The following JAKMIP2 variants were observed in gnomAD, a reference collection of about 807,000 sequenced individuals.
JAKMIP2 encodes janus kinase and microtubule-interacting protein 2.
In JAKMIP2, 25 loss-of-function variants were observed where a neutral mutation model predicts 115.0. That is an observed-to-expected ratio of 0.22 (90% CI 0.16 to 0.30). The LOEUF is 0.30. Ranked by LOEUF, JAKMIP2 falls within the 10% of genes least tolerant of loss-of-function variation. The probability of loss-of-function intolerance (pLI) is 1.00; values close to 1 mark genes in which losing one functional copy is unlikely to be tolerated. For missense variants in JAKMIP2, 642 were observed against 957.6 expected (o/e 0.67, Z 4.35); for synonymous variants, 334 against 343.6 (o/e 0.97, Z 0.31).
At chr5:147,688,871 A>G (rs1308235703) in intron 1 of JAKMIP2, among the ~76,000 whole-genome samples, 1 of 152,250 alleles carries the variant, frequency 6.6e-6, no homozygotes, top group Non-Finnish European at 1.5e-5. Context: ...GCAGTGAATA[A>G]ATAAAACAGA....
At chr5:147,620,812 T>C (rs1021772436) in intron 17 of JAKMIP2, 69 bp from the exon 18 acceptor site, 19 of 1,096,214 alleles carry the variant, frequency 1.7e-5, no homozygotes, top group Non-Finnish European at 2.6e-5. Flanking sequence ...ATGGTATTGA[T>C]TAATGTTTCC....
At chr5:147,769,808 G>A (rs538844729) in intron 1 of JAKMIP2, among the ~76,000 whole-genome samples, 4 of 151,054 alleles carry the variant, frequency 2.6e-5, no homozygotes, top group South Asian at 2.1e-4. Context: ...GTTTGTCTCT[G>A]TAAACCAGAT....
intron 1 of JAKMIP2, among the ~76,000 whole-genome samples, chr5:147,737,469 G>A (rs1314445007): frequency 6.6e-6 from 1 of 152,168 alleles, no homozygotes; most frequent in Non-Finnish European, 1.5e-5. Flanking sequence ...GTTACACTGA[G>A]TGGGATCTTC....
At chr5:147,769,140 C>A (rs1386719465) in intron 1 of JAKMIP2, among the ~76,000 whole-genome samples, 3 of 152,090 alleles carry the variant, frequency 2.0e-5, no homozygotes, top group Non-Finnish European at 4.4e-5. Context: ...TGGCACACAG[C>A]AGGTGCTCAT....
At chr5:147,626,264 A>T (rs947501349) in intron 16 of JAKMIP2, among the ~76,000 whole-genome samples, 1 of 152,250 alleles carries the variant, frequency 6.6e-6, no homozygotes, top group Non-Finnish European at 1.5e-5. Flanking sequence ...TGTCTTGTTC[A>T]TCTGGTTCCT....
intron 3 of JAKMIP2, among the ~76,000 whole-genome samples, chr5:147,653,762 G>A (rs77866435): frequency 0.079 from 11,972 of 152,170 alleles, 628 homozygotes; most frequent in Admixed American, 0.14. Flanking sequence ...TACTTTTGGC[G>A]TTTTCATCAT....
At position 147,586,662 on chromosome 5, in the gene JAKMIP2, A is replaced by G. The variant is rs1332015600; in HGVS notation, c.*5045T>C. The stretch of plus-strand genomic sequence containing the variant: ...AACCACGTGTATCTCTGCCACATTA[A>G]TTTGAATATAGGAAATTATAATCCT... On this transcript the variant is annotated 3_prime_UTR_variant, in exon 22 of 22. Transcript: ENST00000616793. 1 of 152,076 alleles carries G rather than the reference A, an allele frequency of 6.6e-6. No homozygotes were observed. Among genetic ancestry groups the G allele is most frequent in the East Asian group, 1.9e-4 (1 of 5,198 alleles). The allele number at this position is 152,076 out of a possible 1,614,324, so 9.4% of individuals were successfully genotyped here.
intron 1 of JAKMIP2, among the ~76,000 whole-genome samples, chr5:147,767,503 A>AC (rs1755197515): frequency 6.6e-6 from 1 of 152,142 alleles, no homozygotes; most frequent in South Asian, 2.1e-4. Context: ...AGGTTGGAGT[A>AC]CTGATAATCA....
intron 20 of JAKMIP2, among the ~76,000 whole-genome samples, chr5:147,608,781 G>A (rs1345681377): frequency 6.6e-6 from 1 of 152,150 alleles, no homozygotes. Flanking sequence ...GGGTGTTAAA[G>A]TTTCCCACTA....
At chr5:147,629,639 T>G (rs1757266134) in intron 15 of JAKMIP2, 54 bp downstream of exon 15, 1 of 1,269,798 alleles carries the variant, frequency 7.9e-7, no homozygotes, top group Non-Finnish European at 1.1e-6. Flanking sequence ...GTTAAGTATC[T>G]CTTGCCTCTG....
intron 1 of JAKMIP2, among the ~76,000 whole-genome samples, chr5:147,745,065 A>G (rs1307713442): frequency 6.6e-6 from 1 of 151,436 alleles, no homozygotes; most frequent in Non-Finnish European, 1.5e-5. Context: ...TCAAAAAAAA[A>G]AAAAAAAAAA....
chr5:147,764,566 C>T (rs1755044737), intron 1 of JAKMIP2, among the ~76,000 whole-genome samples: 1 of 151,866 alleles, frequency 6.6e-6, no homozygotes, highest in Non-Finnish European at 1.5e-5. Context: ...ATTTAAAAAG[C>T]TTTTCAAGTG....
At chr5:147,725,843 G>A (rs909727621) in intron 1 of JAKMIP2, among the ~76,000 whole-genome samples, 1 of 152,102 alleles carries the variant, frequency 6.6e-6, no homozygotes, top group Non-Finnish European at 1.5e-5. Context: ...AATCTGCCTT[G>A]CACTCTTTGC....
chr5:147,663,273 T>G lies in JAKMIP2; in HGVS notation c.130-1828A>C, dbSNP rs552238350. On this transcript the variant is annotated intron_variant, in intron 2 of 21. Transcript: ENST00000616793. ...TTGTGAGGGTGTTGCTAAAGGAGAT[T>G]AACATTTGAGTCAGTGGACTGGGAA... is the stretch of plus-strand genomic sequence containing the variant. 8.5e-5 allele frequency among the ~76,000 whole-genome samples: 13 copies of G among 152,154 alleles called. No individual in the cohort carries two copies. The South Asian group carries it at 2.7e-3, about 32-fold the overall frequency.
intron 1 of JAKMIP2, among the ~76,000 whole-genome samples, chr5:147,700,339 T>C (rs1752274868): frequency 6.6e-6 from 1 of 152,112 alleles, no homozygotes. Flanking sequence ...ATTAAATGGA[T>C]GGTAAACATT....
rs1348442067 is a variant in JAKMIP2 at position 147,721,098 on chromosome 5, G to A, written c.-148-49144C>T. Among the ~76,000 whole-genome samples the A allele has an allele frequency of 5.4e-3, 819 of 151,286 alleles. 7 individuals are homozygous for A. Among genetic ancestry groups the A allele is most frequent in the African/African-American group, 0.017 (690 of 40,730 alleles). ...GACCCTCAGCTGCAGGTCTGTTGGA[G>A]TACCCTGCCATGTGAGGTGTCAGTG... On this transcript the variant is annotated intron_variant, in intron 1 of 21. Coordinates refer to ENST00000616793, the MANE Select transcript of JAKMIP2 (RefSeq NM_001270941.2).
intron 1 of JAKMIP2, among the ~76,000 whole-genome samples, chr5:147,673,473 G>T (rs1163290110): frequency 6.6e-6 from 1 of 152,116 alleles, no homozygotes; most frequent in Non-Finnish European, 1.5e-5. Flanking sequence ...TGTGCCATCT[G>T]CTCATGAGCA....
intron 1 of JAKMIP2, among the ~76,000 whole-genome samples, chr5:147,680,996 T>C (rs17107142): frequency 0.2 from 30,215 of 152,158 alleles, 4,003 homozygotes; most frequent in East Asian, 0.45. Flanking sequence ...TTTGTTTTCT[T>C]TCTCCTAGTG....
At chr5:147,650,260 G>C in intron 4 of JAKMIP2, 78 bp downstream of exon 4, 1 of 894,584 alleles carries the variant, frequency 1.1e-6, no homozygotes, top group South Asian at 1.4e-5. Context: ...CAAGAAAAGA[G>C]CTTAAGTAAA....
Sources: allele counts gnomAD v4.1 joint callset (sites outside exome capture counted in the v4.1 genomes callset), GRCh38; gene constraint gnomAD v4.1.1; transcripts MANE v1.5; gene names NCBI Gene and HGNC (gene_info 2026-07-23, HGNC 2026-07-21).